Variants in DLGAP1 observed in about 807,000 individuals in gnomAD.
DLGAP1 encodes the protein disks large-associated protein 1.
DLGAP1 carries 11 observed loss-of-function variants against 90.8 expected under a neutral mutation model. The ratio of observed to expected loss-of-function variants is 0.12; its 90% CI spans 0.08 to 0.20. DLGAP1 has a LOEUF of 0.20. Among genes scored for constraint, DLGAP1 ranks in the 10% least tolerant of loss-of-function variants. The pLI, the probability that DLGAP1 is intolerant of heterozygous loss-of-function variation, is 1.00. For synonymous variants in DLGAP1, 558 were observed against 540.7 expected (o/e 1.03, Z -0.44); for missense variants, 1,050 against 1,333.8 (o/e 0.79, Z 3.31).
In DLGAP1 at chr18:3,629,761, G is replaced by C. The variant is rs138861814; in HGVS notation, c.1592-47513C>G. Among the ~76,000 whole-genome samples the C allele has an allele frequency of 2.4e-4, 37 of 152,250 alleles. 1 individual carries two copies. Among genetic ancestry groups the C allele is most frequent in the African/African-American group, 8.9e-4 (37 of 41,542 alleles). On this transcript the variant is annotated intron_variant, in intron 7 of 12. Coordinates refer to ENST00000315677, the MANE Select transcript of DLGAP1 (RefSeq NM_004746.4). ...GGTAGGTGTGTATTGGTATCTCACTGTGGATTTAATTTACTTATTTTGGAT... is the reference window on the plus strand; with the variant it reads ...GGTAGGTGTGTATTGGTATCTCACTCTGGATTTAATTTACTTATTTTGGAT...
chr18:3,864,624 A>T (rs2070277304), intron 4 of DLGAP1, among the ~76,000 whole-genome samples: 1 of 152,204 alleles, frequency 6.6e-6, no homozygotes, highest in South Asian at 2.1e-4. Flanking sequence ...GATTATGAAG[A>T]CTACATTGAC....
chr18:3,996,858 A>G (rs2074082047), intron 3 of DLGAP1, among the ~76,000 whole-genome samples: 1 of 152,048 alleles, frequency 6.6e-6, no homozygotes, highest in African/African-American at 2.4e-5. Flanking sequence ...TTTTATTGTT[A>G]TGCATTATTT....
chr18:4,213,584 A>G (rs191791676), intron 1 of DLGAP1, among the ~76,000 whole-genome samples: 45 of 152,324 alleles, frequency 3.0e-4, no homozygotes, highest in African/African-American at 1.1e-3. Context: ...AAACTTGGAC[A>G]TTTTATATCA....
intron 9 of DLGAP1, among the ~76,000 whole-genome samples, chr18:3,546,736 G>A (rs949766853): frequency 1.3e-5 from 2 of 152,092 alleles, no homozygotes; most frequent in African/African-American, 4.8e-5. Context: ...GTAGGATATA[G>A]TTAAAGCAGT....
intron 2 of DLGAP1, among the ~76,000 whole-genome samples, chr18:4,035,810 T>A (rs1176692218): frequency 6.6e-6 from 1 of 152,202 alleles, no homozygotes; most frequent in Non-Finnish European, 1.5e-5. Flanking sequence ...CAGATCAATC[T>A]CAGTCCACTG....
At chr18:3,572,432 A>ATTTG (rs1160574111) in intron 8 of DLGAP1, among the ~76,000 whole-genome samples, 233 of 111,952 alleles carry the variant, frequency 2.1e-3, no homozygotes, top group Middle Eastern at 9.0e-3. Flanking sequence ...TCTTTTATTT[A>ATTTG]TTTATTTGTT....
intron 2 of DLGAP1, among the ~76,000 whole-genome samples, chr18:4,122,835 A>C (rs1292851096): frequency 6.6e-6 from 1 of 152,172 alleles, no homozygotes; most frequent in African/African-American, 2.4e-5. Context: ...GGAACTCAGG[A>C]TCCTTGCCAA....
intron 2 of DLGAP1, among the ~76,000 whole-genome samples, chr18:4,105,387 C>A (rs935277557): frequency 1.3e-5 from 2 of 152,168 alleles, no homozygotes; most frequent in African/African-American, 4.8e-5. Flanking sequence ...ACCAATGTAA[C>A]TTAATAATAT....
At chr18:4,203,519 GGCTTCTACTTTGACACATGTTTTA>G (rs2144825879) in intron 1 of DLGAP1, among the ~76,000 whole-genome samples, 1 of 152,118 alleles carries the variant, frequency 6.6e-6, no homozygotes, top group South Asian at 2.1e-4. Flanking sequence ...CTTTTATTTG[GGCTTCTACTTTGACACATGTTTTA>G]GCTTTAAGGT....
At chr18:3,751,035 C>T (rs866455497) in intron 5 of DLGAP1, among the ~76,000 whole-genome samples, 1 of 152,286 alleles carries the variant, frequency 6.6e-6, no homozygotes, top group South Asian at 2.1e-4. Flanking sequence ...TTTGGTTATA[C>T]GTTTGTGTAC....
At chr18:4,096,000 C>G (rs777427493) in intron 2 of DLGAP1, among the ~76,000 whole-genome samples, 2 of 152,100 alleles carry the variant, frequency 1.3e-5, no homozygotes, top group Non-Finnish European at 2.9e-5. Context: ...TATTTTTTAC[C>G]TTTAGGCAGA....
chr18:3,632,891 C>A (rs536912964), intron 7 of DLGAP1, among the ~76,000 whole-genome samples: 5 of 152,160 alleles, frequency 3.3e-5, no homozygotes, highest in African/African-American at 1.2e-4. Context: ...GAATGGATAA[C>A]CCCCAATTTT....
intron 4 of DLGAP1, among the ~76,000 whole-genome samples, chr18:3,819,313 A>C (rs191615580): frequency 6.6e-6 from 1 of 152,312 alleles, no homozygotes; most frequent in Non-Finnish European, 1.5e-5. Flanking sequence ...CAATTGTCCC[A>C]ACATTTTTTG....
At position 4,405,278 on chromosome 18, in the gene DLGAP1, T is replaced by C. The variant is rs185198264; in HGVS notation, c.-267+49728A>G. On this transcript the variant is annotated intron_variant, in intron 1 of 12. Coordinates refer to ENST00000315677, the MANE Select transcript of DLGAP1 (RefSeq NM_004746.4). Reference sequence around the variant, plus strand: ...TCCAAATCAGAGGGCAACGTGGTGGTCCATTTTCCACTGGTGGAGAAAGCA... The same window carrying C: ...TCCAAATCAGAGGGCAACGTGGTGGCCCATTTTCCACTGGTGGAGAAAGCA... Among the ~76,000 whole-genome samples the C allele has an allele frequency of 7.9e-4, 120 of 152,282 alleles. 1 individual carries two copies. The highest frequency in any genetic ancestry group is 2.7e-3 in the African/African-American group (112 of 41,570).
At chr18:3,640,944 G>T (rs975685621) in intron 7 of DLGAP1, among the ~76,000 whole-genome samples, 1 of 152,134 alleles carries the variant, frequency 6.6e-6, no homozygotes, top group Non-Finnish European at 1.5e-5. Flanking sequence ...GAGGCACAGA[G>T]AAGTCAGTTT....
At chr18:4,207,277 A>C (rs2077740434) in intron 1 of DLGAP1, among the ~76,000 whole-genome samples, 1 of 152,172 alleles carries the variant, frequency 6.6e-6, no homozygotes, top group Non-Finnish European at 1.5e-5. Flanking sequence ...AGGGAGAAGA[A>C]GAATGACAGC....
intron 3 of DLGAP1, among the ~76,000 whole-genome samples, chr18:3,904,642 AT>A (rs2071856414): frequency 6.6e-6 from 1 of 152,222 alleles, no homozygotes; most frequent in Admixed American, 6.5e-5. Flanking sequence ...CTGATTTCCT[AT>A]AGTTTAACCA....
At chr18:3,742,160 G>A (rs2063080226) in intron 6 of DLGAP1, among the ~76,000 whole-genome samples, 175 bp downstream of exon 6, 2 of 152,250 alleles carry the variant, frequency 1.3e-5, no homozygotes, top group African/African-American at 2.4e-5. Context: ...GATACCGGGG[G>A]CTTACTGCGG....
intron 1 of DLGAP1, among the ~76,000 whole-genome samples, chr18:4,346,796 TTAAAA>T (rs1310379523): frequency 1.3e-5 from 2 of 152,052 alleles, no homozygotes; most frequent in African/African-American, 2.4e-5. Context: ...AATGAAAGAA[TTAAAA>T]TAAAATACAT....
Sources: allele counts gnomAD v4.1 joint callset (sites outside exome capture counted in the v4.1 genomes callset), GRCh38; gene constraint gnomAD v4.1.1; transcripts MANE v1.5; gene names NCBI Gene and HGNC (gene_info 2026-07-23, HGNC 2026-07-21).